The following PTK2 variants were observed in gnomAD, a reference collection of about 807,000 sequenced individuals.
The protein encoded by PTK2 is protein tyrosine kinase 2.
Under a neutral mutation model 150.1 loss-of-function variants are expected in PTK2, and 45 were observed. That is an observed-to-expected ratio of 0.30 (90% CI 0.24 to 0.38). The LOEUF (loss-of-function observed/expected upper bound fraction) is 0.38. Ranked by LOEUF, PTK2 falls within the 10% of genes least tolerant of loss-of-function variation. The pLI is 1.00. For synonymous variants in PTK2, 432 were observed against 449.2 expected (o/e 0.96, Z 0.48); for missense variants, 919 against 1,307.3 (o/e 0.70, Z 4.58).
chr8:140,757,611 T>G (rs2100066610), intron 16 of PTK2, among the ~76,000 whole-genome samples: 1 of 152,164 alleles, frequency 6.6e-6, no homozygotes, highest in Admixed American at 6.5e-5. Context: ...TAAAAATGCA[T>G]AAACATGGAG....
intron 4 of PTK2, among the ~76,000 whole-genome samples, chr8:140,877,779 A>T (rs1290741655): frequency 6.6e-6 from 1 of 152,134 alleles, no homozygotes; most frequent in Non-Finnish European, 1.5e-5. Context: ...TTGAGGATTC[A>T]AGACCCAGTC....
At chr8:140,967,842 A>G (rs536925506) in intron 1 of PTK2, among the ~76,000 whole-genome samples, 3 of 152,284 alleles carry the variant, frequency 2.0e-5, no homozygotes, top group South Asian at 4.1e-4. Context: ...ACCACTTTAT[A>G]CCAATTTTCC....
At chr8:140,759,064 T>C (rs2100067626) in intron 16 of PTK2, among the ~76,000 whole-genome samples, 1 of 152,210 alleles carries the variant, frequency 6.6e-6, no homozygotes, top group Non-Finnish European at 1.5e-5. Flanking sequence ...CATCTAAGTT[T>C]GCGTAAGTAT....
chr8:140,965,292 T>C (rs1400268466), intron 1 of PTK2, among the ~76,000 whole-genome samples: 1 of 152,202 alleles, frequency 6.6e-6, no homozygotes, highest in African/African-American at 2.4e-5. Context: ...CTCTATGCCA[T>C]CTGCTGCTCC....
chr8:140,850,861 A>G (rs921805774), intron 5 of PTK2, among the ~76,000 whole-genome samples: 3 of 152,230 alleles, frequency 2.0e-5, no homozygotes, highest in African/African-American at 7.2e-5. Context: ...TAATATAAAA[A>G]CTGTTCACAT....
intron 3 of PTK2, among the ~76,000 whole-genome samples, chr8:140,888,729 T>A (rs74933364): frequency 0.02 from 2,977 of 152,264 alleles, 103 homozygotes; most frequent in African/African-American, 0.067. Flanking sequence ...TCTGTTAAAA[T>A]CTTTCCTAGG....
chr8:140,964,745 A>T (rs1220952199), intron 1 of PTK2, among the ~76,000 whole-genome samples: 1 of 152,036 alleles, frequency 6.6e-6, no homozygotes, highest in East Asian at 1.9e-4. Context: ...GTATAATGCT[A>T]GCAACAGTAT....
At chr8:140,674,373 G>A (rs1222242161) in exon 29 of PTK2, 1 of 1,604,288 alleles carries the variant, frequency 6.2e-7, no homozygotes, top group Non-Finnish European at 8.5e-7. Context: ...GAGCTCCAGG[G>A]CGAGGCGGTT....
intron 13 of PTK2, among the ~76,000 whole-genome samples, chr8:140,790,606 A>G (rs1179551728): frequency 6.6e-6 from 1 of 152,244 alleles, no homozygotes; most frequent in African/African-American, 2.4e-5. Context: ...GAAGTTCCAG[A>G]TTAGAAATGC....
At chr8:140,989,329 G>C (rs1167390597) in intron 1 of PTK2, among the ~76,000 whole-genome samples, 1 of 151,448 alleles carries the variant, frequency 6.6e-6, no homozygotes, top group Non-Finnish European at 1.5e-5. Context: ...AAGAGTAGGA[G>C]GCTGCAGCGA....
intron 12 of PTK2, among the ~76,000 whole-genome samples, chr8:140,797,048 ATGAC>A (rs1254498768): frequency 2.6e-5 from 4 of 152,190 alleles, no homozygotes; most frequent in Non-Finnish European, 4.4e-5. Context: ...AGTGGTTTGT[ATGAC>A]TGATTTCCAG....
chr8:140,689,885 AAC>A, intron 26 of PTK2, among the ~76,000 whole-genome samples: 1 of 152,280 alleles, frequency 6.6e-6, no homozygotes, highest in South Asian at 2.1e-4. Flanking sequence ...AAGGGCTCTA[AAC>A]AGAGAGTGGA....
chr8:140,928,096 G>A (rs543206376), intron 1 of PTK2, among the ~76,000 whole-genome samples: 10 of 149,564 alleles, frequency 6.7e-5, no homozygotes, highest in Admixed American at 2.0e-4. Flanking sequence ...CTTTCCAAAC[G>A]GAGCTACATA....
At chr8:140,773,773 C>A (rs185469451) in intron 14 of PTK2, among the ~76,000 whole-genome samples, 1 of 152,202 alleles carries the variant, frequency 6.6e-6, no homozygotes, top group East Asian at 1.9e-4. Context: ...AATATTGTTT[C>A]CTTTTAAAGG....
At chr8:140,967,251 TA>T (rs1212196842) in intron 1 of PTK2, among the ~76,000 whole-genome samples, 1 of 152,140 alleles carries the variant, frequency 6.6e-6, no homozygotes, top group African/African-American at 2.4e-5. Flanking sequence ...GTAATATTGT[TA>T]AAACAATAAA....
At chr8:140,907,632 T>C (rs543790391) in intron 2 of PTK2, among the ~76,000 whole-genome samples, 1 of 152,298 alleles carries the variant, frequency 6.6e-6, no homozygotes, top group East Asian at 1.9e-4. Context: ...GGCATCATTT[T>C]CCCAACAGCA....
chr8:140,720,189 C>T (rs531330087), intron 22 of PTK2, among the ~76,000 whole-genome samples: 1 of 152,090 alleles, frequency 6.6e-6, no homozygotes, highest in South Asian at 2.1e-4. Flanking sequence ...TGCTTTCTGT[C>T]CATTTCTTAT....
At chr8:140,659,093 T>C (rs1161726269) in exon 32 of PTK2, 1 of 255,744 alleles carries the variant, frequency 3.9e-6, no homozygotes, top group Non-Finnish European at 7.5e-6. Context: ...TCTTCCACTA[T>C]GCAGCTAAGG....
chr8:140,979,482 A>G (rs931712936), intron 1 of PTK2, among the ~76,000 whole-genome samples: 2 of 152,192 alleles, frequency 1.3e-5, no homozygotes, highest in African/African-American at 4.8e-5. Flanking sequence ...AAGTGGCTCA[A>G]CATCATTACT....
Sources: allele counts gnomAD v4.1 joint callset (sites outside exome capture counted in the v4.1 genomes callset), GRCh38; gene constraint gnomAD v4.1.1; transcripts MANE v1.5; gene names NCBI Gene and HGNC (gene_info 2026-07-23, HGNC 2026-07-21).